The following CACNA2D2 variants were observed in gnomAD, a reference collection of about 807,000 sequenced individuals.
The protein encoded by CACNA2D2 is voltage-dependent calcium channel subunit alpha-2/delta-2.
Under a neutral mutation model 166.4 loss-of-function variants are expected in CACNA2D2, and 48 were observed. That is an observed-to-expected ratio of 0.29 (90% CI 0.23 to 0.37). CACNA2D2 has a LOEUF of 0.37. Ranked by LOEUF, CACNA2D2 falls within the 10% of genes least tolerant of loss-of-function variation. The pLI is 1.00. For missense variants in CACNA2D2, 1,122 were observed against 1,433.0 expected (o/e 0.78, Z 3.50); for synonymous variants, 561 against 573.7 (o/e 0.98, Z 0.32).
At chr3:50,418,870 C>T (rs534998765) in intron 3 of CACNA2D2, among the ~76,000 whole-genome samples, 4 of 152,280 alleles carry the variant, frequency 2.6e-5, no homozygotes, top group South Asian at 4.1e-4. Flanking sequence ...TGAGCCTTTG[C>T]GGGTATGGAG....
At chr3:50,400,967 G>A (rs1252242589) in intron 3 of CACNA2D2, among the ~76,000 whole-genome samples, 5 of 152,092 alleles carry the variant, frequency 3.3e-5, no homozygotes, top group Admixed American at 6.5e-5. Flanking sequence ...GAGCCACCGC[G>A]CCTGGCCCAT....
intron 3 of CACNA2D2, among the ~76,000 whole-genome samples, chr3:50,415,486 G>A (rs1010614125): frequency 6.6e-6 from 1 of 152,218 alleles, no homozygotes; most frequent in African/African-American, 2.4e-5. Flanking sequence ...AGCCGCTGAA[G>A]ATCGGATATC....
At chr3:50,470,951 T>C (rs1710062327) in intron 2 of CACNA2D2, among the ~76,000 whole-genome samples, 1 of 152,126 alleles carries the variant, frequency 6.6e-6, no homozygotes, top group African/African-American at 2.4e-5. Context: ...GAGGACCATA[T>C]GGACGGAATA....
At chr3:50,383,017 G>A (rs1705408459) in intron 6 of CACNA2D2, among the ~76,000 whole-genome samples, 1 of 152,254 alleles carries the variant, frequency 6.6e-6, no homozygotes, top group African/African-American at 2.4e-5. Context: ...GCTGAGTTGG[G>A]AAAGGGGACC....
At chr3:50,373,172 G>A in intron 22 of CACNA2D2, 2 of 1,029,368 alleles carry the variant, frequency 1.9e-6, no homozygotes, top group Non-Finnish European at 2.9e-6. Context: ...GAAAGGGGAG[G>A]GGCACAAACA....
chr3:50,444,437 C>T (rs1708749437), intron 2 of CACNA2D2, among the ~76,000 whole-genome samples: 1 of 152,252 alleles, frequency 6.6e-6, no homozygotes, highest in South Asian at 2.1e-4. Flanking sequence ...CCCTCACAGT[C>T]TGCACAGCCC....
intron 3 of CACNA2D2, among the ~76,000 whole-genome samples, chr3:50,424,361 C>T (rs761552910): frequency 3.3e-5 from 5 of 152,272 alleles, no homozygotes; most frequent in Non-Finnish European, 4.4e-5. Context: ...CCCAGGGAGA[C>T]TGGCCTCACA....
intron 1 of CACNA2D2, among the ~76,000 whole-genome samples, chr3:50,494,340 T>C (rs935291417): frequency 6.6e-6 from 1 of 152,140 alleles, no homozygotes; most frequent in Non-Finnish European, 1.5e-5. Context: ...TGCAGCGTTT[T>C]AGGCGGGGCC....
chr3:50,393,425 C>T (rs1206688003), intron 4 of CACNA2D2, among the ~76,000 whole-genome samples: 1 of 152,260 alleles, frequency 6.6e-6, no homozygotes, highest in African/African-American at 2.4e-5. Context: ...CCGTCTGATG[C>T]TGGCCCGAGG....
At chr3:50,468,088 G>A (rs1336317555) in intron 2 of CACNA2D2, among the ~76,000 whole-genome samples, 1 of 152,226 alleles carries the variant, frequency 6.6e-6, no homozygotes, top group Non-Finnish European at 1.5e-5. Flanking sequence ...GAAGGATGGG[G>A]GAGGAATGCA....
chr3:50,497,093 T>G (rs1041806735), intron 1 of CACNA2D2, among the ~76,000 whole-genome samples: 3 of 152,058 alleles, frequency 2.0e-5, no homozygotes, highest in Admixed American at 6.5e-5. Flanking sequence ...AAAGCAGCCA[T>G]GAGACACCCA....
At chr3:50,451,051 A>C (rs1575706512) in intron 2 of CACNA2D2, among the ~76,000 whole-genome samples, 1 of 151,606 alleles carries the variant, frequency 6.6e-6, no homozygotes, top group African/African-American at 2.4e-5. Flanking sequence ...CTCCTCATCC[A>C]CCCCAATGGC....
intron 1 of CACNA2D2, among the ~76,000 whole-genome samples, chr3:50,490,818 A>C (rs928432043): frequency 6.6e-6 from 1 of 152,194 alleles, no homozygotes; most frequent in Non-Finnish European, 1.5e-5. Context: ...GCCAGGCAGC[A>C]AGGTCTATTT....
intron 2 of CACNA2D2, among the ~76,000 whole-genome samples, chr3:50,437,658 G>A (rs1708411996): frequency 6.6e-6 from 1 of 152,206 alleles, no homozygotes. Context: ...CATCCTGGGA[G>A]AAAGGTCATC....
chr3:50,440,585 C>T (rs2106916921), intron 2 of CACNA2D2, among the ~76,000 whole-genome samples: 1 of 152,328 alleles, frequency 6.6e-6, no homozygotes, highest in African/African-American at 2.4e-5. Flanking sequence ...AGACACAGAA[C>T]CAGGCCATTA....
At chr3:50,413,357 C>A (rs1707114963) in intron 3 of CACNA2D2, among the ~76,000 whole-genome samples, 1 of 151,902 alleles carries the variant, frequency 6.6e-6, no homozygotes, top group African/African-American at 2.4e-5. Flanking sequence ...GAGAATACTG[C>A]AGGGGGAACT....
chr3:50,486,831 A>G (rs1698303236), intron 1 of CACNA2D2, among the ~76,000 whole-genome samples: 1 of 152,224 alleles, frequency 6.6e-6, no homozygotes, highest in Non-Finnish European at 1.5e-5. Context: ...ACTTGGAGAT[A>G]AATTTACCAG....
At chr3:50,440,912 G>C (rs1369848817) in intron 2 of CACNA2D2, among the ~76,000 whole-genome samples, 1 of 152,194 alleles carries the variant, frequency 6.6e-6, no homozygotes. Flanking sequence ...TTCCAGGGGA[G>C]AGGACATCTG....
intron 3 of CACNA2D2, among the ~76,000 whole-genome samples, chr3:50,405,636 C>A (rs548961822): frequency 1.9e-4 from 29 of 152,304 alleles, no homozygotes; most frequent in Non-Finnish European, 4.0e-4. Context: ...ACCTGGAGAA[C>A]TGGCCCTGGG....
Sources: allele counts gnomAD v4.1 joint callset (sites outside exome capture counted in the v4.1 genomes callset), GRCh38; gene constraint gnomAD v4.1.1; transcripts MANE v1.5; gene names NCBI Gene and HGNC (gene_info 2026-07-23, HGNC 2026-07-21).